SCFD2: variants seen among roughly 807,000 people sequenced by gnomAD.
SCFD2 encodes the protein sec1 family domain containing 2, also known as sec1 family domain-containing protein 2.
In SCFD2, 54 loss-of-function variants were observed where a neutral mutation model predicts 58.9. That is an observed-to-expected ratio of 0.92 (90% confidence interval 0.74 to 1.15). The LOEUF (loss-of-function observed/expected upper bound fraction) is 1.15. SCFD2 is among the 50% of genes most tolerant of loss of function. The pLI is 0.00. For missense variants in SCFD2, 805 were observed against 836.6 expected, an observed-to-expected ratio of 0.96 and a Z score of 0.47; for synonymous variants, 321 against 335.9, an observed-to-expected ratio of 0.96 and a Z score of 0.49.
At chr4:52,880,267 CTTAAG>C (rs778897523) in intron 8 of SCFD2, among the ~76,000 whole-genome samples, 10 of 151,830 alleles carry the variant, frequency 6.6e-5, no homozygotes, top group African/African-American at 9.7e-5. Flanking sequence ...CCTTGAACCT[CTTAAG>C]TTGTGTGCAA....
Position 53,052,958 on chromosome 4 carries a change from A to G in SCFD2, c.1561+92375T>C, listed in dbSNP as rs560627029. ...CAAAACAGGCCAGGCGCCATGGCTC[A>G]TGCCTGTAATCCCAGCACATTGGGA... On this transcript the variant is annotated intron_variant, in intron 5 of 8. Coordinates refer to ENST00000401642, the MANE Select transcript of SCFD2 (RefSeq NM_152540.4). Among the ~76,000 whole-genome samples, 5 of 152,294 alleles carry G rather than the reference A, an allele frequency of 3.3e-5. No individual in the cohort carries two copies. In the South Asian group the frequency reaches 1.0e-3, roughly 32 times the overall value.
chr4:53,017,257 C>G (rs781693621), intron 5 of SCFD2, among the ~76,000 whole-genome samples: 3 of 152,176 alleles, frequency 2.0e-5, no homozygotes, highest in Non-Finnish European at 4.4e-5. Flanking sequence ...GGTAGTTATG[C>G]AATGGTACCA....
intron 5 of SCFD2, among the ~76,000 whole-genome samples, chr4:52,973,809 G>A (rs560704610): frequency 6.6e-6 from 1 of 152,288 alleles, no homozygotes; most frequent in African/African-American, 2.4e-5. Flanking sequence ...ACATCAAAAA[G>A]CTTATCCACG....
intron 5 of SCFD2, among the ~76,000 whole-genome samples, chr4:53,144,833 T>C (rs1726274693): frequency 6.6e-6 from 1 of 152,162 alleles, no homozygotes; most frequent in African/African-American, 2.4e-5. Flanking sequence ...AGAAAAATAC[T>C]GCAGTGGAAA....
chr4:53,038,182 A>G (rs1722810503), intron 5 of SCFD2, among the ~76,000 whole-genome samples: 1 of 152,204 alleles, frequency 6.6e-6, no homozygotes, highest in African/African-American at 2.4e-5. Context: ...GCATGTTAGA[A>G]AGATAATTCT....
chr4:53,133,436 A>G (rs546086293), intron 5 of SCFD2, among the ~76,000 whole-genome samples: 9 of 152,094 alleles, frequency 5.9e-5, no homozygotes, highest in Non-Finnish European at 1.3e-4. Flanking sequence ...AGTATGAAAA[A>G]TGCTTTGTTT....
At chr4:53,134,508 A>G (rs1725883089) in intron 5 of SCFD2, among the ~76,000 whole-genome samples, 1 of 152,266 alleles carries the variant, frequency 6.6e-6, no homozygotes, top group Admixed American at 6.5e-5. Flanking sequence ...AATTTTTAAA[A>G]AGTTGATGAT....
chr4:52,893,338 C>T (rs565553508), intron 7 of SCFD2, among the ~76,000 whole-genome samples: 16 of 151,972 alleles, frequency 1.1e-4, no homozygotes, highest in Non-Finnish European at 2.2e-4. Context: ...CCCCAGCAGC[C>T]GGAATTACAG....
chr4:53,082,959 T>A (rs1724191959), intron 5 of SCFD2, among the ~76,000 whole-genome samples: 1 of 100,848 alleles, frequency 9.9e-6, no homozygotes, highest in Admixed American at 1.2e-4. Context: ...CAATCCATTA[T>A]AATAAATATC....
intron 5 of SCFD2, among the ~76,000 whole-genome samples, chr4:53,048,946 CAAATAAAT>C (rs893658211): frequency 3.3e-5 from 5 of 151,804 alleles, no homozygotes; most frequent in Non-Finnish European, 5.9e-5. Context: ...GACCTAGTCT[CAAATAAAT>C]AAATAAATAA....
chr4:53,262,231 G>A (rs1474886036), intron 4 of SCFD2, among the ~76,000 whole-genome samples: 5 of 152,102 alleles, frequency 3.3e-5, no homozygotes, highest in African/African-American at 1.2e-4. Context: ...TTTAAGTGGA[G>A]CATTTAGGCC....
At chr4:53,019,989 G>GT (rs1182851586) in intron 5 of SCFD2, among the ~76,000 whole-genome samples, 1 of 152,050 alleles carries the variant, frequency 6.6e-6, no homozygotes, top group Non-Finnish European at 1.5e-5. Flanking sequence ...AAACACAAAG[G>GT]TCAACGCTGG....
intron 4 of SCFD2, among the ~76,000 whole-genome samples, chr4:53,239,444 G>A (rs867944136): frequency 1.3e-5 from 2 of 149,594 alleles, no homozygotes; most frequent in South Asian, 2.1e-4. Context: ...GAGAGGGAGA[G>A]GGAGAGGGAG....
intron 2 of SCFD2, among the ~76,000 whole-genome samples, chr4:53,331,044 A>C (rs914943771): frequency 2.6e-5 from 4 of 151,804 alleles, no homozygotes; most frequent in Non-Finnish European, 5.9e-5. Flanking sequence ...AAGAAGAGCT[A>C]ACTATCCTAA....
At chr4:53,024,059 C>T (rs1722411669) in intron 5 of SCFD2, among the ~76,000 whole-genome samples, 1 of 152,134 alleles carries the variant, frequency 6.6e-6, no homozygotes, top group African/African-American at 2.4e-5. Flanking sequence ...CAGCCTTATT[C>T]TTGGGCATCT....
At chr4:52,939,488 A>T (rs1441098679) in intron 5 of SCFD2, among the ~76,000 whole-genome samples, 4 of 152,196 alleles carry the variant, frequency 2.6e-5, no homozygotes, top group Admixed American at 6.5e-5. Flanking sequence ...ACATAGGAAC[A>T]CTAGGAGGGA....
At chr4:53,251,964 T>G (rs1220841464) in intron 4 of SCFD2, among the ~76,000 whole-genome samples, 1 of 152,196 alleles carries the variant, frequency 6.6e-6, no homozygotes, top group Non-Finnish European at 1.5e-5. Context: ...GCAGACGACA[T>G]GAATGTATAT....
chr4:53,043,059 C>T (rs1358090253), intron 5 of SCFD2, among the ~76,000 whole-genome samples: 6 of 152,176 alleles, frequency 3.9e-5, no homozygotes, highest in South Asian at 2.1e-4. Flanking sequence ...TTTCTGACCA[C>T]GGCAGTGGGT....
chr4:52,948,563 G>A (rs1175473657), intron 5 of SCFD2: 1 of 456,006 alleles, frequency 2.2e-6, no homozygotes, highest in Admixed American at 2.4e-5. Context: ...GTAAGTCAGT[G>A]CTAATATTCT....
Sources: gnomAD v4.1 joint callset for allele counts (sites outside exome capture counted in the v4.1 genomes callset) on GRCh38, gnomAD v4.1.1 for gene constraint, MANE v1.5 for transcripts, NCBI Gene and HGNC (gene_info 2026-07-23, HGNC 2026-07-21) for gene names.